The following THADA variants were observed in gnomAD, a reference collection of about 807,000 sequenced individuals.
THADA encodes tRNA (32-2'-O)-methyltransferase regulator THADA.
In THADA, 213 loss-of-function variants were observed where a neutral mutation model predicts 219.8. The observed-to-expected ratio is 0.97, with a 90% CI of 0.87 to 1.09. The LOEUF (loss-of-function observed/expected upper bound fraction) is 1.09, where lower values mean the gene tolerates loss of function less well. THADA is among the 50% of genes least tolerant of loss of function. The pLI, the probability that THADA is intolerant of heterozygous loss-of-function variation, is 0.00. For synonymous variants in THADA, 1,018 were observed against 828.9 expected (o/e 1.23, Z -3.92); for missense variants, 2,956 against 2,311.3 (o/e 1.28, Z -5.72).
intron 21 of THADA, among the ~76,000 whole-genome samples, chr2:43,540,689 GAACT>G (rs1273867304): frequency 6.6e-6 from 1 of 152,102 alleles, no homozygotes; most frequent in African/African-American, 2.4e-5. Flanking sequence ...CCCAGATGGT[GAACT>G]AACTTTGTGG....
intron 22 of THADA, among the ~76,000 whole-genome samples, chr2:43,514,889 T>TATAATATATA (rs552740655): frequency 0.016 from 1,060 of 67,968 alleles, 207 homozygotes; most frequent in African/African-American, 0.067. Flanking sequence ...ATGTATAATA[T>TATAATATATA]ATATTTTATG....
chr2:43,456,312 G>T (rs1167989975), intron 26 of THADA, among the ~76,000 whole-genome samples: 1 of 152,078 alleles, frequency 6.6e-6, no homozygotes, highest in African/African-American at 2.4e-5. Flanking sequence ...ACTTCCAATG[G>T]CAATTAAAAA....
chr2:43,345,869 A>G (rs1667577417), intron 29 of THADA, among the ~76,000 whole-genome samples: 1 of 152,192 alleles, frequency 6.6e-6, no homozygotes, highest in South Asian at 2.1e-4. Context: ...ATCACTTCAA[A>G]AATAACTCCT....
chr2:43,232,203 G>T (rs1450029357), intron 37 of THADA, among the ~76,000 whole-genome samples: 5 of 150,810 alleles, frequency 3.3e-5, no homozygotes, highest in Admixed American at 3.3e-4. Flanking sequence ...TTTTGAGATG[G>T]AGTCTTGCTC....
intron 30 of THADA, chr2:43,342,986 T>C (rs952316968): frequency 1.3e-5 from 2 of 152,132 alleles, no homozygotes. Flanking sequence ...TATACTTTTT[T>C]CTTTTTTTTT....
At chr2:43,534,836 T>C (rs528394449) in intron 21 of THADA, among the ~76,000 whole-genome samples, 4 of 152,258 alleles carry the variant, frequency 2.6e-5, no homozygotes, top group South Asian at 4.1e-4. Flanking sequence ...AATATACTGA[T>C]TTCCTTCTCC....
chr2:43,365,229 C>G (rs1406541860), intron 29 of THADA, among the ~76,000 whole-genome samples: 1 of 152,020 alleles, frequency 6.6e-6, no homozygotes, highest in Non-Finnish European at 1.5e-5. Flanking sequence ...CTGGCCTCAT[C>G]TGTGTTTTTA....
intron 26 of THADA, among the ~76,000 whole-genome samples, chr2:43,473,014 C>T (rs2104969296): frequency 6.6e-6 from 1 of 152,248 alleles, no homozygotes; most frequent in African/African-American, 2.4e-5. Flanking sequence ...GGTGGGTGAA[C>T]ATGAAGGCCT....
At chr2:43,457,950 G>A (rs1260560841) in intron 26 of THADA, among the ~76,000 whole-genome samples, 1 of 151,984 alleles carries the variant, frequency 6.6e-6, no homozygotes, top group African/African-American at 2.4e-5. Flanking sequence ...GGTGATAGGG[G>A]ATATCCTTAC....
intron 36 of THADA, among the ~76,000 whole-genome samples, chr2:43,257,355 C>G (rs1333849427): frequency 6.6e-6 from 1 of 152,224 alleles, no homozygotes; most frequent in Non-Finnish European, 1.5e-5. Context: ...CCTGCGCCTC[C>G]CTATGACAGG....
intron 16 of THADA, among the ~76,000 whole-genome samples, chr2:43,558,717 C>G (rs747342186): frequency 2.0e-5 from 3 of 152,136 alleles, no homozygotes; most frequent in Non-Finnish European, 4.4e-5. Flanking sequence ...AGCTTGTGAT[C>G]GTGTGAGTCA....
intron 22 of THADA, among the ~76,000 whole-genome samples, chr2:43,525,626 T>C (rs747392986): frequency 9.2e-5 from 14 of 152,182 alleles, no homozygotes; most frequent in Non-Finnish European, 1.5e-4. Context: ...GCGAGTGAAG[T>C]TGTCTTAGGT....
chr2:43,539,855 C>G (rs72867030), intron 21 of THADA, among the ~76,000 whole-genome samples: 4 of 151,638 alleles, frequency 2.6e-5, no homozygotes, highest in Non-Finnish European at 5.9e-5. Flanking sequence ...AATTTTAACA[C>G]GGCTGTCGCA....
At chr2:43,290,309 C>A (rs1674542001) in intron 34 of THADA, among the ~76,000 whole-genome samples, 1 of 151,236 alleles carries the variant, frequency 6.6e-6, no homozygotes, top group African/African-American at 2.4e-5. Context: ...TAGTTTTTAG[C>A]AAATCATCTC....
chr2:43,422,176 T>C (rs1189210606), intron 28 of THADA, among the ~76,000 whole-genome samples: 1 of 152,244 alleles, frequency 6.6e-6, no homozygotes, highest in Non-Finnish European at 1.5e-5. Context: ...TTTTCCTTGA[T>C]AGAGAATACT....
At chr2:43,328,258 A>G (rs1295747088) in intron 30 of THADA, among the ~76,000 whole-genome samples, 4 of 152,158 alleles carry the variant, frequency 2.6e-5, no homozygotes. Flanking sequence ...TGTAACATGG[A>G]GAGTTTAGCT....
chr2:43,501,307 C>CAAAAAAAAAAAAAAAAA (rs60448094), intron 24 of THADA, among the ~76,000 whole-genome samples: 1 of 15,050 alleles, frequency 6.6e-5, no homozygotes, highest in African/African-American at 1.9e-4. Flanking sequence ...ACTCCAACTC[C>CAAAAAAAAAAAAAAAAA]AAAAAAAAAA....
chr2:43,435,524 T>A (rs1175763887), intron 26 of THADA, among the ~76,000 whole-genome samples: 2 of 152,060 alleles, frequency 1.3e-5, no homozygotes, highest in Admixed American at 6.6e-5. Flanking sequence ...GGCTCATGCC[T>A]GCAATTCCAG....
chr2:43,239,834 A>T (rs1668434384), intron 36 of THADA, among the ~76,000 whole-genome samples: 1 of 152,188 alleles, frequency 6.6e-6, no homozygotes, highest in African/African-American at 2.4e-5. Flanking sequence ...TGGCCCTGCC[A>T]TCCAACCAAC....
Sources: gnomAD v4.1 joint callset for allele counts (sites outside exome capture counted in the v4.1 genomes callset) on GRCh38, gnomAD v4.1.1 for gene constraint, MANE v1.5 for transcripts, NCBI Gene and HGNC (gene_info 2026-07-23, HGNC 2026-07-21) for gene names.